Variants in PCDHGA5 observed in about 807,000 individuals in gnomAD.
PCDHGA5 encodes protocadherin gamma subfamily A, 5.
In PCDHGA5, 36 loss-of-function variants were observed where a neutral mutation model predicts 56.7. That is an observed-to-expected ratio of 0.64 (90% CI 0.49 to 0.84). The LOEUF (loss-of-function observed/expected upper bound fraction) is 0.84. PCDHGA5 is among the 40% of genes least tolerant of loss of function. PCDHGA5 has a pLI of 0.00. For missense variants in PCDHGA5, 1,305 were observed against 1,201.5 expected, an observed-to-expected ratio of 1.09 and a Z score of -1.27; for synonymous variants, 563 against 520.2, an observed-to-expected ratio of 1.08 and a Z score of -1.12.
In PCDHGA5 at chr5:141,490,304, T is replaced by G. The variant is rs2099698490; in HGVS notation, c.2422-4503T>G. On this transcript the variant is annotated intron_variant, in intron 1 of 3. Coordinates refer to ENST00000518069, the MANE Select transcript of PCDHGA5 (RefSeq NM_018918.3). This position sits in a 1 kb window ranked among gnomAD's most constrained non-coding sequence, Gnocchi z 5.4. ...GCCCCAGAGGTGCTATTGGCCTCTT[T>G]GGCCAACCCTGTCCTAGAGAGCACA... 1.2e-6 allele frequency: 2 copies of G among 1,614,026 alleles called. No homozygotes were observed. The highest frequency in any genetic ancestry group is 1.7e-5 in the Admixed American group (1 of 60,010).
chr5:141,389,618 C>T (rs1224398489), intron 1 of PCDHGA5: 46 of 1,612,930 alleles, frequency 2.9e-5, no homozygotes, highest in Middle Eastern at 1.7e-4. Flanking sequence ...TGGTGCCGCA[C>T]GCTGCAGAGC....
chr5:141,398,711 C>T, intron 1 of PCDHGA5: 2 of 1,613,822 alleles, frequency 1.2e-6, no homozygotes, highest in South Asian at 1.1e-5. Context: ...CCGGAACTGG[C>T]ACTGGAGAAA....
chr5:141,426,086 G>A (rs751467304), intron 1 of PCDHGA5, among the ~76,000 whole-genome samples: 5 of 152,218 alleles, frequency 3.3e-5, no homozygotes, highest in Non-Finnish European at 7.3e-5. Context: ...CTACCAGGAC[G>A]ATATTCTGTT....
At chr5:141,458,899 T>A (rs1398965632) in intron 1 of PCDHGA5, among the ~76,000 whole-genome samples, 2 of 152,106 alleles carry the variant, frequency 1.3e-5, no homozygotes, top group African/African-American at 2.4e-5. Context: ...GCGCAGCTAA[T>A]TTTTTCTATT....
Position 141,487,682 on chromosome 5 carries a change from G to A in PCDHGA5, c.2422-7125G>A, listed in dbSNP as rs757434520. On this transcript the variant is annotated intron_variant, in intron 1 of 3. Transcript: ENST00000518069. This position sits in a 1 kb window ranked among gnomAD's most constrained non-coding sequence, Gnocchi z 5.0. ...TGATCCAGGCATATGGCTAGGCCATGTCCTAGAGAGTACTGGCCTCTCAGT... is the reference window on the plus strand; with the variant it reads ...TGATCCAGGCATATGGCTAGGCCATATCCTAGAGAGTACTGGCCTCTCAGT... The A allele has an allele frequency of 1.2e-6, 2 of 1,607,256 alleles. No individual in the cohort carries two copies. Among genetic ancestry groups the A allele is most frequent in the East Asian group, 4.5e-5 (2 of 44,762 alleles).
chr5:141,470,297 T>A (rs2099227289), intron 1 of PCDHGA5, among the ~76,000 whole-genome samples: 2 of 152,348 alleles, frequency 1.3e-5, no homozygotes, highest in Admixed American at 1.3e-4. Flanking sequence ...TAACTGTTTT[T>A]ATTCCATTTT....
rs73265846 is a variant in PCDHGA5, at chr5:141,370,853, C to T, written c.2421+4102C>T. 1,195 of 1,614,040 alleles carry T rather than the reference C, an allele frequency of 7.4e-4. 6 individuals carry two copies. In the African/African-American group the frequency reaches 0.014, roughly 19 times the overall value. On this transcript the variant is annotated intron_variant, in intron 1 of 3. Coordinates refer to ENST00000518069, the MANE Select transcript of PCDHGA5 (RefSeq NM_018918.3). ...TGGCTCTCACTGGAGCCACATTTGC[C>T]CTGGAATCTGCGCAAGATCCTGATG...
intron 2 of PCDHGA5, among the ~76,000 whole-genome samples, chr5:141,495,507 C>T (rs1380258502): frequency 6.6e-6 from 1 of 152,188 alleles, no homozygotes; most frequent in African/African-American, 2.4e-5. Context: ...TCCGTCTTTG[C>T]CACTTTCTCT....
In PCDHGA5 at chr5:141,477,176, G is replaced by C. The variant is rs766547728; in HGVS notation, c.2422-17631G>C. On this transcript the variant is annotated intron_variant, in intron 1 of 3. Coordinates refer to ENST00000518069, the MANE Select transcript of PCDHGA5 (RefSeq NM_018918.3). This position sits in a 1 kb window ranked among gnomAD's most constrained non-coding sequence, Gnocchi z 4.9. ...GAATGACAACGCCCCGGAGATCACAGTCACCTCCGTGTACAGCCCAGTACC... is the reference window on the plus strand; with the variant it reads ...GAATGACAACGCCCCGGAGATCACACTCACCTCCGTGTACAGCCCAGTACC... The C allele has an allele frequency of 1.2e-6, 2 of 1,614,206 alleles. No individual in the cohort carries two copies. The highest frequency in any genetic ancestry group is 3.3e-5 in the Admixed American group (2 of 60,024).
intron 1 of PCDHGA5, chr5:141,383,793 A>C (rs1348224147): frequency 5.6e-6 from 9 of 1,613,998 alleles, no homozygotes; most frequent in Admixed American, 1.7e-5. Flanking sequence ...ACTCGCTTAC[A>C]GGAGAAATAT....
At chr5:141,421,211 T>A (rs866635411) in intron 1 of PCDHGA5, 8 of 1,541,100 alleles carry the variant, frequency 5.2e-6, no homozygotes. Flanking sequence ...CCGCGGAATA[T>A]CGGCTTAGAG....
chr5:141,472,979 T>TAAAA (rs2099307936), intron 1 of PCDHGA5, among the ~76,000 whole-genome samples: 1 of 21,094 alleles, frequency 4.7e-5, no homozygotes, highest in Non-Finnish European at 9.8e-5. Context: ...AGAGTGAAAC[T>TAAAA]CAAAAAAAAA....
intron 2 of PCDHGA5, among the ~76,000 whole-genome samples, chr5:141,500,184 T>TTTTATTTATTTATTTA (rs58019021): frequency 1.5e-5 from 2 of 135,886 alleles, no homozygotes; most frequent in African/African-American, 5.4e-5. Flanking sequence ...TCATTTTTAT[T>TTTTATTTATTTATTTA]TTTATTTATT....
chr5:141,479,572 T>G (rs956648090), intron 1 of PCDHGA5: 2 of 152,190 alleles, frequency 1.3e-5, no homozygotes, highest in African/African-American at 2.4e-5. Context: ...TGGGATGACA[T>G]CTGTGAATAG....
chr5:141,423,213 C>A, intron 1 of PCDHGA5: 1 of 1,613,710 alleles, frequency 6.2e-7, no homozygotes, highest in Non-Finnish European at 8.5e-7. Flanking sequence ...TCACGCTCAC[C>A]GTGGCTGTGG....
intron 1 of PCDHGA5, chr5:141,413,929 CGAGTGAGTGTTCCT>C: frequency 6.2e-7 from 1 of 1,613,342 alleles, no homozygotes; most frequent in Non-Finnish European, 8.5e-7. Flanking sequence ...GCCAGAATAC[CGAGTGAGTGTTCCT>C]GAGAATTTGC....
chr5:141,378,320 CGA>C (rs1285013125), intron 1 of PCDHGA5: 1 of 152,164 alleles, frequency 6.6e-6, no homozygotes, highest in Admixed American at 6.5e-5. Flanking sequence ...GTCAGGAGTT[CGA>C]GACCAGCCTG....
rs779651957 is a variant in PCDHGA5, at chr5:141,431,167, T to G, written c.2422-63640T>G. 2 of 1,614,118 alleles carry G rather than the reference T, an allele frequency of 1.2e-6. No individual in the cohort carries two copies. Among genetic ancestry groups the G allele is most frequent in the Non-Finnish European group, 1.7e-6 (2 of 1,180,014 alleles). The stretch of plus-strand genomic sequence containing the variant: ...ACAATGCGCCTTACTTTCGTGAAAG[T>G]GAATTAGAAATAAAAATTAGTGAAA... On this transcript the variant is annotated intron_variant, in intron 1 of 3. Transcript: ENST00000518069. The surrounding 1 kb of genome is among the most constrained non-coding windows in gnomAD (Gnocchi z 4.8).
At chr5:141,463,583 G>A (rs1444995569) in intron 1 of PCDHGA5, among the ~76,000 whole-genome samples, 1 of 151,598 alleles carries the variant, frequency 6.6e-6, no homozygotes, top group African/African-American at 2.4e-5. Flanking sequence ...CGAGTAGCTG[G>A]GACTACAGGT....
Sources: gnomAD v4.1 joint callset for allele counts (sites outside exome capture counted in the v4.1 genomes callset) on GRCh38, gnomAD v4.1.1 for gene constraint, Gnocchi (gnomAD v3.1) non-coding constraint, MANE v1.5 for transcripts, NCBI Gene and HGNC (gene_info 2026-07-23, HGNC 2026-07-21) for gene names.